LRRIQ1: variants seen among roughly 807,000 people sequenced by gnomAD.
The protein encoded by LRRIQ1 is leucine rich repeats and IQ motif containing 1.
In LRRIQ1, 210 loss-of-function variants were observed where a neutral mutation model predicts 211.9. The observed-to-expected ratio is 0.99, with a 90% confidence interval of 0.89 to 1.11. The LOEUF (loss-of-function observed/expected upper bound fraction) is 1.11, where lower values mean the gene tolerates loss of function less well. LRRIQ1 is among the 50% of genes most tolerant of loss of function. The probability of loss-of-function intolerance (pLI) is 0.00; values close to 1 mark genes in which losing one functional copy is unlikely to be tolerated. For missense variants in LRRIQ1, 2,136 were observed against 1,939.5 expected (o/e 1.10, Z -1.90); for synonymous variants, 699 against 650.1 (o/e 1.08, Z -1.14).
chr12:85,239,360 C>CACAT (rs1426276378), intron 26 of LRRIQ1, among the ~76,000 whole-genome samples: 2 of 148,194 alleles, frequency 1.3e-5, no homozygotes, highest in African/African-American at 5.1e-5. Flanking sequence ...GTTTTATACA[C>CACAT]ACACACACAC....
At chr12:85,173,367 T>TGCTC (rs1311304092) in intron 24 of LRRIQ1, among the ~76,000 whole-genome samples, 2 of 152,178 alleles carry the variant, frequency 1.3e-5, no homozygotes, top group African/African-American at 4.8e-5. Context: ...AATGCTGATA[T>TGCTC]ATGTGTCCTA....
intron 11 of LRRIQ1, among the ~76,000 whole-genome samples, chr12:85,090,388 C>A (rs939856700): frequency 6.6e-6 from 1 of 152,126 alleles, no homozygotes; most frequent in African/African-American, 2.4e-5. Flanking sequence ...AATTGTAGAT[C>A]CACTGGCAGC....
chr12:85,121,928 T>C, intron 16 of LRRIQ1, 52 bp downstream of exon 16: 2 of 1,381,288 alleles, frequency 1.4e-6, no homozygotes, highest in Non-Finnish European at 1.9e-6. Context: ...ATGTAATTTA[T>C]AAATGTGATT....
intron 11 of LRRIQ1, among the ~76,000 whole-genome samples, chr12:85,094,226 A>C (rs930940702): frequency 6.6e-6 from 1 of 152,212 alleles, no homozygotes; most frequent in Non-Finnish European, 1.5e-5. Flanking sequence ...CACACTTTGC[A>C]TGTCACTGTC....
intron 24 of LRRIQ1, among the ~76,000 whole-genome samples, chr12:85,192,058 C>G (rs1892540194): frequency 6.6e-6 from 1 of 151,518 alleles, no homozygotes; most frequent in South Asian, 2.1e-4. Context: ...AATTGCGTGT[C>G]ACGGGGGGTT....
intron 16 of LRRIQ1, among the ~76,000 whole-genome samples, chr12:85,122,454 C>G (rs1333730762): frequency 6.6e-6 from 1 of 152,042 alleles, no homozygotes; most frequent in East Asian, 1.9e-4. Flanking sequence ...ACCTCGAATT[C>G]TGAATGCATT....
rs892600098 is a variant in LRRIQ1, at chr12:85,150,898, A to G, written c.4330-1382A>G. Among the ~76,000 whole-genome samples, 9 of 151,628 alleles carry G rather than the reference A, an allele frequency of 5.9e-5. No homozygotes were observed. In the South Asian group the frequency reaches 6.2e-4, roughly 10 times the overall value. On this transcript the variant is annotated intron_variant, in intron 19 of 26. Transcript: ENST00000393217. ...ACATGAGATTTTGAAATATGTATAC[A>G]TTGTGGAAAGGCTAAATTGAGCTTA...
At chr12:85,149,139 A>G (rs964621311) in intron 19 of LRRIQ1, among the ~76,000 whole-genome samples, 1 of 151,990 alleles carries the variant, frequency 6.6e-6, no homozygotes, top group Non-Finnish European at 1.5e-5. Flanking sequence ...TGCTGAGCAG[A>G]AGCTCTTTAA....
chr12:85,145,760 C>T (rs1015176185), intron 19 of LRRIQ1, among the ~76,000 whole-genome samples: 1 of 151,708 alleles, frequency 6.6e-6, no homozygotes, highest in Non-Finnish European at 1.5e-5. Flanking sequence ...TTACACCAGA[C>T]AGCAAACAAA....
chr12:85,159,845 A>G (rs578262089), intron 23 of LRRIQ1, among the ~76,000 whole-genome samples: 2 of 152,052 alleles, frequency 1.3e-5, no homozygotes, highest in African/African-American at 4.8e-5. Context: ...GATAGTTCAT[A>G]TTGAATTCAT....
intron 18 of LRRIQ1, among the ~76,000 whole-genome samples, chr12:85,128,762 T>A (rs1253439021): frequency 6.6e-6 from 1 of 152,192 alleles, no homozygotes; most frequent in African/African-American, 2.4e-5. Context: ...ATTTAAAAAT[T>A]TAGAAAGCAA....
chr12:85,121,604 C>T (rs1466360325), intron 15 of LRRIQ1, 93 bp from the exon 16 acceptor site: 4 of 877,316 alleles, frequency 4.6e-6, no homozygotes, highest in Non-Finnish European at 6.3e-6. Flanking sequence ...ATATCCTATG[C>T]TTGTATTATT....
intron 24 of LRRIQ1, among the ~76,000 whole-genome samples, chr12:85,195,304 T>C (rs1892837226): frequency 6.6e-6 from 1 of 151,830 alleles, no homozygotes; most frequent in South Asian, 2.1e-4. Context: ...AAAGAGGGAA[T>C]CCTCCCTAAC....
intron 8 of LRRIQ1, among the ~76,000 whole-genome samples, chr12:85,064,939 A>G (rs1379506036): frequency 6.6e-6 from 1 of 151,840 alleles, no homozygotes; most frequent in Non-Finnish European, 1.5e-5. Flanking sequence ...GCTGTGTAGT[A>G]TAATTTGAAG....
intron 19 of LRRIQ1, among the ~76,000 whole-genome samples, chr12:85,149,979 T>C (rs1338855503): frequency 6.6e-6 from 1 of 151,842 alleles, no homozygotes; most frequent in Non-Finnish European, 1.5e-5. Context: ...AAGAGCACTC[T>C]ATCAACATCT....
intron 2 of LRRIQ1, 71 bp from the exon 3 acceptor site, chr12:85,040,419 G>C (rs749143912): frequency 1.2e-5 from 10 of 822,474 alleles, no homozygotes; most frequent in Non-Finnish European, 1.7e-5. Context: ...GTGGAATGAA[G>C]GGTCCAAAAT....
intron 23 of LRRIQ1, among the ~76,000 whole-genome samples, chr12:85,159,765 G>A (rs1890763682): frequency 6.6e-6 from 1 of 150,990 alleles, no homozygotes; most frequent in African/African-American, 2.4e-5. Context: ...ATTTTTTTTT[G>A]TAAATGACTT....
downstream of LRRIQ1, among the ~76,000 whole-genome samples, chr12:85,268,313 G>A (rs970629874): frequency 6.6e-6 from 1 of 151,820 alleles, no homozygotes; most frequent in African/African-American, 2.4e-5. Flanking sequence ...ATTTCTAATA[G>A]CATGTTAACT....
intron 19 of LRRIQ1, among the ~76,000 whole-genome samples, chr12:85,146,331 A>G (rs577188073): frequency 6.6e-6 from 1 of 151,866 alleles, no homozygotes; most frequent in Non-Finnish European, 1.5e-5. Context: ...GGGGATGGGG[A>G]AAATATCCAC....
Sources: allele counts gnomAD v4.1 joint callset (sites outside exome capture counted in the v4.1 genomes callset), GRCh38; gene constraint gnomAD v4.1.1; transcripts MANE v1.5; gene names NCBI Gene and HGNC (gene_info 2026-07-23, HGNC 2026-07-21).